The following POLR1A variants were observed in gnomAD, a reference collection of about 807,000 sequenced individuals.
POLR1A encodes DNA-directed RNA polymerase I subunit RPA1.
Under a neutral mutation model 205.3 loss-of-function variants are expected in POLR1A, and 84 were observed. The ratio of observed to expected loss-of-function variants is 0.41; its 90% CI spans 0.34 to 0.49. POLR1A has a LOEUF of 0.49. Ranked by LOEUF, POLR1A falls within the 20% of genes least tolerant of loss-of-function variation. The probability of loss-of-function intolerance (pLI) is 0.22; values close to 1 mark genes in which losing one functional copy is unlikely to be tolerated. For synonymous variants in POLR1A, 799 were observed against 863.7 expected (o/e 0.93, Z 1.31); for missense variants, 1,645 against 2,204.5 (o/e 0.75, Z 5.08).
At chr2:86,064,396 A>C (rs1348221545) in intron 14 of POLR1A, among the ~76,000 whole-genome samples, 1 of 152,216 alleles carries the variant, frequency 6.6e-6, no homozygotes, top group African/African-American at 2.4e-5. Context: ...AGGCAACAGC[A>C]GAAGAACATA....
At chr2:86,054,102 A>T (rs1240889557) in intron 15 of POLR1A, 38 bp downstream of exon 15, 1 of 1,606,570 alleles carries the variant, frequency 6.2e-7, no homozygotes, top group Non-Finnish European at 8.5e-7. Flanking sequence ...TAACCCCGGC[A>T]CTAGAAGTCT....
chr2:86,040,089 G>T, intron 25 of POLR1A: 1 of 274,094 alleles, frequency 3.6e-6, no homozygotes. Flanking sequence ...TGTGGGGCTT[G>T]TTAACAATGT....
rs1253430734 is a variant in POLR1A, at chr2:86,077,958, C to T, written c.1281G>A (p.Leu427=). Residue 427 remains leucine (L), a synonymous_variant, in exon 11 of 34, where the codon CTG becomes CTA. Transcript: ENST00000263857. ...IRQILEKKEG[L]FRKHMMGKRV... ...GCTTTCCCATCATGTGTTTTCGGAA[C>T]AGGCCTTCTTTCTTCTCCAGGATCT... 6.2e-7 allele frequency: 1 copy of T among 1,614,064 alleles called. No individual in the cohort carries two copies. The highest frequency in any genetic ancestry group is 8.5e-7 in the Non-Finnish European group (1 of 1,180,046).
intron 2 of POLR1A, among the ~76,000 whole-genome samples, chr2:86,099,335 A>T (rs1673769270): frequency 1.3e-5 from 2 of 149,478 alleles, no homozygotes; most frequent in South Asian, 4.4e-4. Context: ...CCAGCCTGGG[A>T]GACGGAATGA....
chr2:86,058,738 G>T (rs992643805), intron 14 of POLR1A, among the ~76,000 whole-genome samples: 1 of 151,952 alleles, frequency 6.6e-6, no homozygotes, highest in Non-Finnish European at 1.5e-5. Context: ...CTTAAAAAAA[G>T]TCTTAAAAAT....
At chr2:86,065,136 C>T in intron 14 of POLR1A, 138 bp downstream of exon 14, 1 of 816,636 alleles carries the variant, frequency 1.2e-6, no homozygotes, top group Non-Finnish European at 1.9e-6. Context: ...GAACCCCAAA[C>T]AAAGGGGAAA....
chr2:86,027,743 G>A, intron 33 of POLR1A, 142 bp downstream of exon 33: 1 of 944,410 alleles, frequency 1.1e-6, no homozygotes, highest in Non-Finnish European at 1.6e-6. Context: ...CTGCTGTTCA[G>A]CCCCCTCCAG....
In POLR1A at chr2:86,038,730, G is replaced by A. The variant is rs1192634172; in HGVS notation, c.4004C>T (p.Pro1335Leu). ...TTCCATGAAGCGCAGGATGTCCTCGGGTCTCAGGCACTTCTCCTGCTGGTA... is the reference window on the plus strand; with the variant it reads ...TTCCATGAAGCGCAGGATGTCCTCGAGTCTCAGGCACTTCTCCTGCTGGTA... ...AYYQQEKCLR[P>L]EDILRFMETR... Residue 1335 changes from proline (P) to leucine (L), a missense_variant, in exon 27 of 34, where the codon CCC becomes CTC. By Grantham distance (98) the Pro-to-Leu change is moderately conservative. Around this residue, in one of 16 missense-constraint regions of POLR1A, gnomAD observed 394 missense variants for 468.5 expected, o/e 0.84. Coordinates refer to ENST00000263857, the MANE Select transcript of POLR1A (RefSeq NM_015425.6). 6.2e-7 allele frequency: 1 copy of A among 1,613,910 alleles called. No individual in the cohort carries two copies. Among genetic ancestry groups the A allele is most frequent in the Non-Finnish European group, 8.5e-7 (1 of 1,179,986 alleles).
chr2:86,028,557 C>A lies in POLR1A; in HGVS notation c.4897+37G>T. 1 of 1,493,604 alleles carries A rather than the reference C, an allele frequency of 6.7e-7. No homozygotes were observed. The highest frequency in any genetic ancestry group is 9.3e-7 in the Non-Finnish European group (1 of 1,070,150). The allele number at this position is 1,493,604 out of a possible 1,614,324, so 92.5% of individuals were successfully genotyped here. On this transcript the variant is annotated intron_variant, in intron 32 of 33. Transcript: ENST00000263857. This position sits in a 1 kb window ranked among gnomAD's most constrained non-coding sequence, Gnocchi z 4.5. ...GAGCCTTCTGGTGTCCTGGCTGGTG[C>A]CCAGACCTCGGGGTGTTATCTGCAA...
Position 86,024,304 on chromosome 2 carries a change from G to A in POLR1A, c.*3119C>T, listed in dbSNP as rs1690216537. On this transcript the variant is annotated 3_prime_UTR_variant, in exon 34 of 34. Coordinates refer to ENST00000263857, the MANE Select transcript of POLR1A (RefSeq NM_015425.6). ...TTTCCACTTGTATGAGGGACCTAGA[G>A]AAGTCAAATTCGTAGAGACAGAACG... 5.6e-6 allele frequency: 1 copy of A among 178,868 alleles called. No individual in the cohort carries two copies. The highest frequency in any genetic ancestry group is 2.4e-5 in the African/African-American group (1 of 42,506). 11.1% of individuals were successfully genotyped at this position (178,868 alleles called of 1,614,324 possible).
intron 6 of POLR1A, among the ~76,000 whole-genome samples, chr2:86,085,677 A>C (rs766235656): frequency 2.0e-5 from 3 of 152,206 alleles, no homozygotes; most frequent in Admixed American, 2.0e-4. Flanking sequence ...TTCTTCAATC[A>C]CAGGATCTTA....
At chr2:86,032,772 T>C (rs1444927852) in intron 28 of POLR1A, among the ~76,000 whole-genome samples, 2 of 152,266 alleles carry the variant, frequency 1.3e-5, no homozygotes, top group Non-Finnish European at 2.9e-5. Context: ...TGTAGAATAC[T>C]GAGTATCTCT....
intron 1 of POLR1A, among the ~76,000 whole-genome samples, chr2:86,100,775 T>G: frequency 6.6e-6 from 1 of 152,028 alleles, no homozygotes; most frequent in East Asian, 1.9e-4. Context: ...TCCTGAGCTC[T>G]AGAGATCCGC....
At position 86,027,865 on chromosome 2, in the gene POLR1A, G is replaced by A; in HGVS notation, c.5062+20C>T. On this transcript the variant is annotated intron_variant, in intron 33 of 33. Transcript: ENST00000263857. ...AGTCGTCAGTAGAGGGGAGGCCAGG[G>A]CTCCTGCCCACGCACTAACCCAGCA... is the stretch of plus-strand genomic sequence containing the variant. 1 of 1,613,688 alleles carries A rather than the reference G, an allele frequency of 6.2e-7. No homozygotes were observed. Among genetic ancestry groups the A allele is most frequent in the Non-Finnish European group, 8.5e-7 (1 of 1,179,662 alleles).
In POLR1A at chr2:86,040,374, C is replaced by G. The variant is rs1210096912; in HGVS notation, c.3740+18G>C. 2 of 1,576,170 alleles carry G rather than the reference C, an allele frequency of 1.3e-6. No individual in the cohort carries two copies. The highest frequency in any genetic ancestry group is 3.6e-5 in the Admixed American group (2 of 55,760). On this transcript the variant is annotated intron_variant, in intron 25 of 33. Transcript: ENST00000263857. ...AGGCTAGGACAGACCCCACCCTGTG[C>G]TCCCTTGTGCCCCACACCTTGGAAT... is the stretch of plus-strand genomic sequence containing the variant.
At position 86,065,369 on chromosome 2, in the gene POLR1A, C is replaced by A. The variant is rs950993947; in HGVS notation, c.1963G>T (p.Glu655Ter). ...GCFFTREHYM[E>*]LVYRGLTDKV... ...TCCGTGAGTCCTCGGTACACCAGCT[C>A]CATATAGTGCTCCCGGGTGAAAAAG... The change falls in exon 14 of 34, where the codon GAG (glutamate) becomes TAG (stop). Residue 655 changes from glutamate (E) to a stop codon, truncating the protein, a stop_gained. Transcript: ENST00000263857. LOFTEE classifies it high-confidence loss of function. 6.2e-7 allele frequency: 1 copy of A among 1,614,184 alleles called. No homozygotes were observed. Among genetic ancestry groups the A allele is most frequent in the Non-Finnish European group, 8.5e-7 (1 of 1,180,008 alleles).
chr2:86,084,139 G>A (rs1169241978), intron 6 of POLR1A, among the ~76,000 whole-genome samples: 1 of 152,162 alleles, frequency 6.6e-6, no homozygotes, highest in Admixed American at 6.5e-5. Flanking sequence ...GGTGGTGGAC[G>A]CCTGTAGTCC....
Position 86,027,013 on chromosome 2 carries a change from C to T in POLR1A, c.*410G>A, listed in dbSNP as rs1056091900. The T allele has an allele frequency of 1.1e-5, 2 of 189,632 alleles. No homozygotes were observed. Among genetic ancestry groups the T allele is most frequent in the South Asian group, 1.2e-4 (1 of 8,508 alleles). 11.7% of individuals were successfully genotyped at this position (189,632 alleles called of 1,614,324 possible). On this transcript the variant is annotated 3_prime_UTR_variant, in exon 34 of 34. Transcript: ENST00000263857. ...CTGGCCACTCACAGCAAAAGAACCCCGCTTCCCTACTCTGGAGGTGCCTGG... is the reference window on the plus strand; with the variant it reads ...CTGGCCACTCACAGCAAAAGAACCCTGCTTCCCTACTCTGGAGGTGCCTGG...
intron 3 of POLR1A, 125 bp downstream of exon 3, chr2:86,098,486 A>G (rs1352708756): frequency 1.1e-6 from 1 of 906,160 alleles, no homozygotes; most frequent in Non-Finnish European, 1.7e-6. Context: ...GTATCCAGTT[A>G]TAAGATATAA....
Sources: gnomAD v4.1 joint callset for allele counts (sites outside exome capture counted in the v4.1 genomes callset) on GRCh38, gnomAD v4.1.1 for gene constraint, gnomAD v4.1.1 regional missense constraint, Gnocchi (gnomAD v3.1) non-coding constraint, MANE v1.5 for transcripts, NCBI Gene and HGNC (gene_info 2026-07-23, HGNC 2026-07-21) for gene names.